FRMD5: variants seen among roughly 807,000 people sequenced by gnomAD.
The protein encoded by FRMD5 is FERM domain-containing protein 5.
FRMD5 carries 20 observed loss-of-function variants against 69.0 expected under a neutral mutation model. The observed-to-expected ratio is 0.29, with a 90% CI of 0.20 to 0.42. The LOEUF (loss-of-function observed/expected upper bound fraction) is 0.42, where lower values mean the gene tolerates loss of function less well. FRMD5 is among the 10% of genes least tolerant of loss of function. The pLI, the probability that FRMD5 is intolerant of heterozygous loss-of-function variation, is 1.00. For missense variants in FRMD5, 595 were observed against 708.6 expected (o/e 0.84, Z 1.82); for synonymous variants, 271 against 260.1 (o/e 1.04, Z -0.40).
At position 44,053,258 on chromosome 15, in the gene FRMD5, G is replaced by C. The variant is rs1213164041; in HGVS notation, c.103-128949C>G. Among the ~76,000 whole-genome samples, 6 of 152,228 alleles carry C rather than the reference G, an allele frequency of 3.9e-5. No homozygotes were observed. The East Asian group carries it at 1.2e-3, about 29-fold the overall frequency. On this transcript the variant is annotated intron_variant, in intron 1 of 13. Transcript: ENST00000417257. ...GGCAAAAGATGAACATGGAAGGAAA[G>C]CAACCACAGTAGTCCTTGCCAGTCA...
intron 1 of FRMD5, among the ~76,000 whole-genome samples, chr15:43,956,194 A>G (rs935788588): frequency 6.6e-6 from 1 of 152,204 alleles, no homozygotes; most frequent in Non-Finnish European, 1.5e-5. Flanking sequence ...TCATAAATTT[A>G]TAAACCTTTA....
intron 1 of FRMD5, among the ~76,000 whole-genome samples, chr15:44,115,592 T>C (rs901342607): frequency 6.6e-6 from 1 of 152,228 alleles, no homozygotes; most frequent in Non-Finnish European, 1.5e-5. Context: ...GTTGAGATGA[T>C]AGACTTTATG....
chr15:43,972,075 A>AAT (rs140728846), intron 1 of FRMD5, among the ~76,000 whole-genome samples: 17,032 of 146,276 alleles, frequency 0.12, 1,758 homozygotes, highest in African/African-American at 0.28. Context: ...CTTATATATA[A>AAT]ATATATATAT....
chr15:43,888,168 C>T lies in FRMD5; in HGVS notation c.884+7G>A, dbSNP rs1332091681. On this transcript the variant is annotated splice_region_variant and intron_variant, in intron 10 of 13. Coordinates refer to ENST00000417257, the MANE Select transcript of FRMD5 (RefSeq NM_032892.5). Reference sequence around the variant, plus strand: ...AAAGACAGTCCCCATCACATGTATCCACTCACTTGTAGAAGGCTTGGTTCT... The same window carrying T: ...AAAGACAGTCCCCATCACATGTATCTACTCACTTGTAGAAGGCTTGGTTCT... The T allele has an allele frequency of 6.2e-7, 1 of 1,600,368 alleles. No individual in the cohort carries two copies. The highest frequency in any genetic ancestry group is 2.2e-5 in the East Asian group (1 of 44,824).
At chr15:44,158,162 C>T (rs1304159406) in intron 1 of FRMD5, among the ~76,000 whole-genome samples, 1 of 152,024 alleles carries the variant, frequency 6.6e-6, no homozygotes, top group Non-Finnish European at 1.5e-5. Flanking sequence ...TCTGTCTCAC[C>T]CTCTTTGACA....
intron 1 of FRMD5, among the ~76,000 whole-genome samples, chr15:44,090,443 C>CTTT: frequency 7.0e-6 from 1 of 143,474 alleles, no homozygotes; most frequent in East Asian, 2.0e-4. Context: ...TGAATAACTA[C>CTTT]TTTTTTTTTT....
At chr15:43,932,477 C>T (rs967763761) in intron 1 of FRMD5, among the ~76,000 whole-genome samples, 1 of 152,112 alleles carries the variant, frequency 6.6e-6, no homozygotes, top group African/African-American at 2.4e-5. Flanking sequence ...CTAATCAGTG[C>T]CACAGAGACA....
At chr15:44,122,473 G>C (rs1372408369) in intron 1 of FRMD5, among the ~76,000 whole-genome samples, 1 of 152,112 alleles carries the variant, frequency 6.6e-6, no homozygotes, top group African/African-American at 2.4e-5. Flanking sequence ...GCTGTACTGT[G>C]TGGTCTGAGG....
chr15:44,156,082 T>TAA (rs1352373552), intron 1 of FRMD5, among the ~76,000 whole-genome samples: 1 of 152,116 alleles, frequency 6.6e-6, no homozygotes. Flanking sequence ...AAAAGACTAA[T>TAA]ATTTAGTCTC....
chr15:44,131,249 ATAC>A (rs1473510058), intron 1 of FRMD5, among the ~76,000 whole-genome samples: 2 of 152,226 alleles, frequency 1.3e-5, no homozygotes, highest in Admixed American at 1.3e-4. Flanking sequence ...ATACAATGAA[ATAC>A]TACCTCACAC....
chr15:44,044,733 G>A (rs1427567093), intron 1 of FRMD5, among the ~76,000 whole-genome samples: 1 of 151,764 alleles, frequency 6.6e-6, no homozygotes. Context: ...TGGACACAGG[G>A]AGGGGAACGT....
chr15:44,050,366 C>CT (rs1428234022), intron 1 of FRMD5, among the ~76,000 whole-genome samples: 1 of 151,872 alleles, frequency 6.6e-6, no homozygotes, highest in Non-Finnish European at 1.5e-5. Context: ...TTTTCTTTTT[C>CT]TTTTTTCTTT....
At chr15:43,920,537 G>C (rs1408740059) in intron 2 of FRMD5, among the ~76,000 whole-genome samples, 1 of 152,168 alleles carries the variant, frequency 6.6e-6, no homozygotes, top group Non-Finnish European at 1.5e-5. Flanking sequence ...TTAACGTCTG[G>C]GGGAAGCAAT....
chr15:43,918,352 AG>A (rs1372003537), intron 4 of FRMD5, among the ~76,000 whole-genome samples: 1 of 152,212 alleles, frequency 6.6e-6, no homozygotes, highest in Non-Finnish European at 1.5e-5. Flanking sequence ...TGAAACCAGA[AG>A]GTGGAGGTTG....
At chr15:43,884,180 A>C (rs1365708588) in intron 12 of FRMD5, among the ~76,000 whole-genome samples, 1 of 152,142 alleles carries the variant, frequency 6.6e-6, no homozygotes, top group East Asian at 1.9e-4. Context: ...GAGGCTGCTG[A>C]TGACAGGGCT....
chr15:44,003,708 CGT>C (rs1890315392), intron 1 of FRMD5, among the ~76,000 whole-genome samples: 1 of 152,206 alleles, frequency 6.6e-6, no homozygotes, highest in South Asian at 2.1e-4. Flanking sequence ...GTATTTGATA[CGT>C]ATACTTGATA....
chr15:44,029,089 G>A (rs1389093231), intron 1 of FRMD5, among the ~76,000 whole-genome samples: 1 of 152,116 alleles, frequency 6.6e-6, no homozygotes, highest in Non-Finnish European at 1.5e-5. Flanking sequence ...TGAATAAGAG[G>A]CCATAGTGAG....
intron 1 of FRMD5, among the ~76,000 whole-genome samples, chr15:44,173,055 C>T (rs981338180): frequency 1.6e-4 from 24 of 152,132 alleles, no homozygotes; most frequent in Non-Finnish European, 3.4e-4. Context: ...TACATGACCC[C>T]ACCGTTCATG....
At chr15:44,113,975 T>G (rs575788007) in intron 1 of FRMD5, among the ~76,000 whole-genome samples, 2 of 152,066 alleles carry the variant, frequency 1.3e-5, no homozygotes, top group Admixed American at 6.6e-5. Flanking sequence ...AAACTAAACA[T>G]GAATCTAGAA....
Sources: gnomAD v4.1 joint callset for allele counts (sites outside exome capture counted in the v4.1 genomes callset) on GRCh38, gnomAD v4.1.1 for gene constraint, MANE v1.5 for transcripts, NCBI Gene and HGNC (gene_info 2026-07-23, HGNC 2026-07-21) for gene names.